The following TBX19 variants were observed in gnomAD, a reference collection of about 807,000 sequenced individuals.
TBX19 encodes the protein T-box transcription factor TBX19.
A neutral mutation model predicts 40.9 loss-of-function variants in TBX19; 33 were observed. The observed-to-expected ratio is 0.81, with a 90% CI of 0.61 to 1.08. TBX19 has a LOEUF of 1.08. Ranked by LOEUF, TBX19 falls within the 50% of genes least tolerant of loss-of-function variation. The pLI, the probability that TBX19 is intolerant of heterozygous loss-of-function variation, is 0.00. For missense variants in TBX19, 494 were observed against 574.0 expected, an observed-to-expected ratio of 0.86 and a Z score of 1.42; for synonymous variants, 220 against 225.0, an observed-to-expected ratio of 0.98 and a Z score of 0.20.
chr1:168,297,884 C>T (rs184454474), intron 4 of TBX19, 99 bp downstream of exon 4: 155 of 1,027,524 alleles, frequency 1.5e-4, no homozygotes, highest in Admixed American at 9.3e-4. Flanking sequence ...ACTAGTAGCA[C>T]TTTCATTACC....
At chr1:168,283,684 C>T (rs932501086) in intron 1 of TBX19, among the ~76,000 whole-genome samples, 10 of 152,172 alleles carry the variant, frequency 6.6e-5, no homozygotes, top group African/African-American at 1.2e-4. Context: ...CATCAACTCC[C>T]GCACCTGGTG....
intron 1 of TBX19, 119 bp downstream of exon 1, chr1:168,281,412 C>A: frequency 2.2e-6 from 2 of 909,070 alleles, no homozygotes; most frequent in Non-Finnish European, 3.5e-6. Context: ...ATTAAACATG[C>A]TTACAGGAAC....
intron 1 of TBX19, among the ~76,000 whole-genome samples, chr1:168,286,489 G>C (rs182510442): frequency 5.5e-4 from 84 of 152,292 alleles, no homozygotes; most frequent in African/African-American, 2.0e-3. Context: ...ACAATATGTG[G>C]TCCTTTGTCA....
At chr1:168,309,344 G>A (rs1241800501) in intron 7 of TBX19, among the ~76,000 whole-genome samples, 5 of 152,166 alleles carry the variant, frequency 3.3e-5, no homozygotes, top group South Asian at 2.1e-4. Flanking sequence ...TTGCACTCCA[G>A]CTTGGGCAAC....
At chr1:168,286,524 G>T (rs1486669795) in intron 1 of TBX19, among the ~76,000 whole-genome samples, 15 of 152,328 alleles carry the variant, frequency 9.8e-5, no homozygotes, top group Middle Eastern at 3.4e-3. Flanking sequence ...TTAGCGTAAT[G>T]TGGTCAAGGT....
chr1:168,293,373 T>C, intron 3 of TBX19, 95 bp downstream of exon 3: 1 of 1,462,410 alleles, frequency 6.8e-7, no homozygotes, highest in Non-Finnish European at 9.2e-7. Context: ...GGGGGTCCTT[T>C]TAGATGAAAG....
At chr1:168,310,674 A>ATATAT (rs534860356) in intron 7 of TBX19, among the ~76,000 whole-genome samples, 1 of 146,600 alleles carries the variant, frequency 6.8e-6, no homozygotes, top group African/African-American at 2.5e-5. Flanking sequence ...ATATATATAT[A>ATATAT]AAAAAATATA....
Position 168,297,480 on chromosome 1 carries a change from C to T in TBX19, c.604-244C>T, listed in dbSNP as rs148991498. On this transcript the variant is annotated intron_variant, in intron 3 of 7. Transcript: ENST00000367821. The stretch of plus-strand genomic sequence containing the variant: ...ACTTTACATGGCATTAGCATTTTCA[C>T]CACATGCAATGATAAAATGTCCTTT... The T allele has an allele frequency of 1.2e-3, 705 of 575,388 alleles. 1 individual carries two copies. The highest frequency in any genetic ancestry group is 0.012 in the African/African-American group (623 of 53,414). 35.6% of individuals were successfully genotyped at this position (575,388 alleles called of 1,614,324 possible).
intron 6 of TBX19, among the ~76,000 whole-genome samples, chr1:168,305,781 G>A (rs1443299635): frequency 6.6e-6 from 1 of 152,076 alleles, no homozygotes; most frequent in Non-Finnish European, 1.5e-5. Context: ...ATTGACTATT[G>A]CCTTTTCCAC....
Position 168,291,401 on chromosome 1 carries a change from A to G in TBX19, c.445A>G (p.Asn149Asp). ...CTCCTTCAGCAAAGTGAAGCTGACC[A>G]ACAAGCTCAATGGAGGCGGGCAGGT... is the stretch of plus-strand genomic sequence containing the variant. ...PISFSKVKLT[N>D]KLNGGGQIML... Residue 149 changes from asparagine to aspartate, a missense_variant, in exon 2 of 8, where the codon AAC becomes GAC. By Grantham distance (23) the Asn-to-Asp change is conservative (BLOSUM62 1). Coordinates refer to ENST00000367821, the MANE Select transcript of TBX19 (RefSeq NM_005149.3). The G allele has an allele frequency of 6.2e-7, 1 of 1,614,204 alleles. No homozygotes were observed.
chr1:168,297,992 C>T (rs774834073), intron 4 of TBX19, among the ~76,000 whole-genome samples: 2 of 152,040 alleles, frequency 1.3e-5, no homozygotes, highest in Non-Finnish European at 1.5e-5. Flanking sequence ...ATCAGGAGAT[C>T]GAGACCATCC....
At chr1:168,294,538 G>A (rs965833592) in intron 3 of TBX19, among the ~76,000 whole-genome samples, 24 of 151,414 alleles carry the variant, frequency 1.6e-4, no homozygotes, top group Non-Finnish European at 2.8e-4. Flanking sequence ...GTCTCACTCT[G>A]TCACCCAGGC....
At chr1:168,304,751 AAATTTTCTCACTGATAC>A (rs1408284262) in intron 5 of TBX19, among the ~76,000 whole-genome samples, 2 of 152,236 alleles carry the variant, frequency 1.3e-5, no homozygotes, top group African/African-American at 4.8e-5. Context: ...TCAACTGCCA[AAATTTTCTCACTGATAC>A]AATTTTTGCA....
Position 168,305,031 on chromosome 1 carries a change from C to A in TBX19, c.751C>A (p.Pro251Thr). Reference sequence around the variant, plus strand: ...AGTGGGAGGCTGGATCTTTTCCAATCCAGATGGAGTGTGCACAGCAGGAAA... The same window carrying A: ...AGTGGGAGGCTGGATCTTTTCCAATACAGATGGAGTGTGCACAGCAGGAAA... Reference protein sequence around the residue: ...SHLGGWIFSNPDGVCTAGNSN... With the variant: ...SHLGGWIFSNTDGVCTAGNSN... The change falls in exon 6 of 8, where the codon CCA becomes ACA. Residue 251 changes from proline (P) to threonine (T), a missense_variant. By Grantham distance (38) the Pro-to-Thr change is conservative (BLOSUM62 -1). Coordinates refer to ENST00000367821, the MANE Select transcript of TBX19 (RefSeq NM_005149.3). The A allele has an allele frequency of 2.5e-6, 4 of 1,614,112 alleles. No individual in the cohort carries two copies. Among genetic ancestry groups the A allele is most frequent in the South Asian group, 1.1e-5 (1 of 91,084 alleles).
intron 2 of TBX19, among the ~76,000 whole-genome samples, chr1:168,292,820 C>A (rs1285381797): frequency 6.8e-6 from 1 of 147,042 alleles, no homozygotes; most frequent in African/African-American, 2.5e-5. Flanking sequence ...GCTGAGATAG[C>A]GCCACTGCAC....
rs1251009740 is a variant in TBX19 at position 168,291,526 on chromosome 1, C to T, written c.468+102C>T. The T allele has an allele frequency of 2.6e-6, 4 of 1,520,618 alleles. No individual in the cohort carries two copies. In the East Asian group the frequency reaches 6.8e-5, roughly 26 times the overall value. The allele number at this position is 1,520,618 out of a possible 1,614,324, so 94.2% of individuals were successfully genotyped here. A position where few individuals can be genotyped will look rare whatever the true frequency, so the allele number is the denominator to read the frequency against. On this transcript the variant is annotated intron_variant, in intron 2 of 7. Transcript: ENST00000367821. ...TTTAGGCAATTAGAGGTGTCCTCAC[C>T]AGCCTCTTCTCCCACAGAAGCCAAT...
At chr1:168,303,114 C>T (rs750726630) in intron 5 of TBX19, among the ~76,000 whole-genome samples, 39 of 152,168 alleles carry the variant, frequency 2.6e-4, no homozygotes, top group Middle Eastern at 3.4e-3. Flanking sequence ...CATATGTATA[C>T]ATGTGCCATG....
At chr1:168,291,107 T>G in intron 1 of TBX19, 53 bp from the exon 2 acceptor site, 61 of 1,611,314 alleles carry the variant, frequency 3.8e-5, no homozygotes, top group Non-Finnish European at 4.6e-5. Context: ...CTGGACAAGG[T>G]GAGAGTTCCT....
intron 6 of TBX19, chr1:168,307,944 G>A (rs1649440682): frequency 6.6e-6 from 1 of 151,944 alleles, no homozygotes; most frequent in African/African-American, 2.4e-5. Context: ...TCTTCAGATT[G>A]TAAGTTAGAT....
Sources: gnomAD v4.1 joint callset for allele counts (sites outside exome capture counted in the v4.1 genomes callset) on GRCh38, gnomAD v4.1.1 for gene constraint, MANE v1.5 for transcripts, NCBI Gene and HGNC (gene_info 2026-07-23, HGNC 2026-07-21) for gene names.